The following RAPGEF2 variants were observed in gnomAD, a reference collection of about 807,000 sequenced individuals.
RAPGEF2 encodes Rap guanine nucleotide exchange factor 2, also known as PDZ domain containing guanine nucleotide exchange factor (GEF) 1.
RAPGEF2 carries 54 observed loss-of-function variants against 186.7 expected under a neutral mutation model. The observed-to-expected ratio is 0.29, with a 90% CI of 0.23 to 0.36. RAPGEF2 has a LOEUF of 0.36. Ranked by LOEUF, RAPGEF2 falls within the 10% of genes least tolerant of loss-of-function variation. The probability of loss-of-function intolerance (pLI) is 1.00; values close to 1 mark genes in which losing one functional copy is unlikely to be tolerated. For synonymous variants in RAPGEF2, 712 were observed against 705.9 expected (o/e 1.01, Z -0.14); for missense variants, 1,532 against 2,045.0 (o/e 0.75, Z 4.84).
chr4:159,164,628 T>C (rs1561031663), intron 1 of RAPGEF2, among the ~76,000 whole-genome samples: 1 of 152,142 alleles, frequency 6.6e-6, no homozygotes, highest in Non-Finnish European at 1.5e-5. Flanking sequence ...TAGGTAGTTA[T>C]TGTTGATAAA....
chr4:159,277,249 G>GA (rs1373524145), intron 7 of RAPGEF2, among the ~76,000 whole-genome samples: 2 of 152,114 alleles, frequency 1.3e-5, no homozygotes, highest in Non-Finnish European at 2.9e-5. Flanking sequence ...CAAAGGACAT[G>GA]AACTCATCAT....
intron 25 of RAPGEF2, among the ~76,000 whole-genome samples, chr4:159,349,002 TCA>T (rs1198026908): frequency 2.0e-5 from 3 of 152,218 alleles, no homozygotes; most frequent in African/African-American, 7.2e-5. Flanking sequence ...TTGAAGTATC[TCA>T]CACAGCTTTC....
At position 159,151,894 on chromosome 4, in the gene RAPGEF2, A is replaced by G. The variant is rs560445232; in HGVS notation, c.70-34748A>G. The stretch of plus-strand genomic sequence containing the variant: ...ATTGGTAGGAGACAGGTACTTCTTC[A>G]TCTAGAGGGACAAGGGCCTTTAACC... On this transcript the variant is annotated intron_variant, in intron 1 of 29. Transcript: ENST00000691494. Among the ~76,000 whole-genome samples the G allele has an allele frequency of 1.7e-4, 26 of 152,370 alleles. No individual in the cohort carries two copies. The South Asian group carries it at 4.4e-3, about 26-fold the overall frequency.
intron 20 of RAPGEF2, 79 bp from the exon 21 acceptor site, chr4:159,342,900 A>C: frequency 4.1e-6 from 5 of 1,224,528 alleles, no homozygotes; most frequent in Non-Finnish European, 5.8e-6. Context: ...GCATAAACAT[A>C]GAGATGTTAT....
At chr4:159,315,184 GT>G (rs1344741293) in intron 9 of RAPGEF2, among the ~76,000 whole-genome samples, 30 of 152,126 alleles carry the variant, frequency 2.0e-4, no homozygotes, top group Admixed American at 2.0e-3. Flanking sequence ...TTCTACTCTG[GT>G]TTTGTGTGAA....
chr4:159,269,375 G>A (rs1327766625), intron 7 of RAPGEF2, among the ~76,000 whole-genome samples: 3 of 151,972 alleles, frequency 2.0e-5, no homozygotes, highest in Admixed American at 6.6e-5. Context: ...AGCCCAGCCC[G>A]TTACCATGAG....
chr4:159,257,353 C>A (rs1427764595), intron 7 of RAPGEF2, among the ~76,000 whole-genome samples: 1 of 152,160 alleles, frequency 6.6e-6, no homozygotes, highest in East Asian at 1.9e-4. Flanking sequence ...TCACATCTTA[C>A]GTGGATAGCA....
intron 1 of RAPGEF2, among the ~76,000 whole-genome samples, chr4:159,104,506 G>GAC (rs1331450817): frequency 1.6e-5 from 2 of 127,442 alleles, no homozygotes; most frequent in Non-Finnish European, 3.2e-5. Context: ...GAGAGAGAGA[G>GAC]AGAGAGAGAG....
chr4:159,334,489 T>C (rs1767125640), intron 17 of RAPGEF2, among the ~76,000 whole-genome samples: 3 of 152,094 alleles, frequency 2.0e-5, no homozygotes, highest in African/African-American at 7.2e-5. Flanking sequence ...CCTCAAATGA[T>C]CCACCCACCT....
At chr4:159,145,800 C>T (rs1742899240) in intron 1 of RAPGEF2, among the ~76,000 whole-genome samples, 1 of 152,190 alleles carries the variant, frequency 6.6e-6, no homozygotes, top group Admixed American at 6.5e-5. Context: ...CTGAGCAGAT[C>T]TAAGCCATCA....
At chr4:159,129,734 G>A (rs1740800311) in intron 1 of RAPGEF2, among the ~76,000 whole-genome samples, 1 of 152,172 alleles carries the variant, frequency 6.6e-6, no homozygotes, top group South Asian at 2.1e-4. Context: ...TAGTTAGGAT[G>A]TTTTTCTCTT....
At chr4:159,351,518 G>C (rs1731170256) in intron 26 of RAPGEF2, among the ~76,000 whole-genome samples, 1 of 152,116 alleles carries the variant, frequency 6.6e-6, no homozygotes, top group Non-Finnish European at 1.5e-5. Flanking sequence ...ATTTTTCTTA[G>C]GTAAGTGGCA....
chr4:159,177,580 A>C (rs1746566800), intron 1 of RAPGEF2, among the ~76,000 whole-genome samples: 1 of 152,168 alleles, frequency 6.6e-6, no homozygotes, highest in South Asian at 2.1e-4. Context: ...TCCTTTTATT[A>C]CATCTCTCTC....
At chr4:159,164,994 G>A (rs1034554284) in intron 1 of RAPGEF2, among the ~76,000 whole-genome samples, 2 of 152,016 alleles carry the variant, frequency 1.3e-5, no homozygotes, top group African/African-American at 4.8e-5. Flanking sequence ...AAAATCTTTA[G>A]TAGAGGAATA....
chr4:159,106,674 G>T (rs551310265), intron 1 of RAPGEF2, among the ~76,000 whole-genome samples: 53 of 152,312 alleles, frequency 3.5e-4, no homozygotes, highest in Non-Finnish European at 6.2e-4. Context: ...ATAGGCAAAA[G>T]GAAAAGAATT....
chr4:159,189,258 GA>G, intron 2 of RAPGEF2, among the ~76,000 whole-genome samples: 2 of 152,286 alleles, frequency 1.3e-5, no homozygotes, highest in Admixed American at 1.3e-4. Flanking sequence ...TGGGGGAGTG[GA>G]AGTGGCTTTT....
intron 7 of RAPGEF2, among the ~76,000 whole-genome samples, chr4:159,253,403 A>G (rs1755712698): frequency 2.6e-5 from 4 of 152,244 alleles, no homozygotes; most frequent in Non-Finnish European, 4.4e-5. Context: ...GGCGCATTAT[A>G]CAATATAAAG....
At chr4:159,166,471 G>T (rs2111234826) in intron 1 of RAPGEF2, among the ~76,000 whole-genome samples, 1 of 152,298 alleles carries the variant, frequency 6.6e-6, no homozygotes, top group East Asian at 1.9e-4. Flanking sequence ...GTATTGATCA[G>T]ACATGCATTT....
At chr4:159,190,116 C>G (rs570455008) in intron 2 of RAPGEF2, among the ~76,000 whole-genome samples, 7 of 152,224 alleles carry the variant, frequency 4.6e-5, no homozygotes, top group Admixed American at 2.0e-4. Context: ...CTGTCATGGG[C>G]ACAGGCTTGG....
Sources: gnomAD v4.1 joint callset for allele counts (sites outside exome capture counted in the v4.1 genomes callset) on GRCh38, gnomAD v4.1.1 for gene constraint, MANE v1.5 for transcripts, NCBI Gene and HGNC (gene_info 2026-07-23, HGNC 2026-07-21) for gene names.